SCFD2: variants seen among roughly 807,000 people sequenced by gnomAD.
SCFD2 encodes sec1 family domain containing 2.
In SCFD2, 54 loss-of-function variants were observed where a neutral mutation model predicts 58.9. The observed-to-expected ratio is 0.92, with a 90% CI of 0.74 to 1.15. The LOEUF is 1.15. Among genes scored for constraint, SCFD2 ranks in the 50% most tolerant of loss-of-function variants. The pLI is 0.00. For synonymous variants in SCFD2, 321 were observed against 335.9 expected (o/e 0.96, Z 0.49); for missense variants, 805 against 836.6 (o/e 0.96, Z 0.47).
intron 2 of SCFD2, among the ~76,000 whole-genome samples, chr4:53,343,226 A>G (rs1174148931): frequency 1.3e-5 from 2 of 151,622 alleles, no homozygotes; most frequent in African/African-American, 2.4e-5. Flanking sequence ...GACTAATAAA[A>G]GAGAGAAGAA....
At chr4:53,257,173 G>A (rs1315292769) in intron 4 of SCFD2, among the ~76,000 whole-genome samples, 1 of 152,072 alleles carries the variant, frequency 6.6e-6, no homozygotes, top group Admixed American at 6.6e-5. Flanking sequence ...CAAACCAGGT[G>A]GTAGAATGTG....
intron 5 of SCFD2, among the ~76,000 whole-genome samples, chr4:52,933,511 C>T (rs1322181016): frequency 2.0e-5 from 3 of 152,280 alleles, no homozygotes; most frequent in Middle Eastern, 3.4e-3. Flanking sequence ...TTACTATGTC[C>T]ACCATGTTCA....
At chr4:52,945,348 C>A (rs1408971045) in intron 5 of SCFD2, among the ~76,000 whole-genome samples, 5 of 152,080 alleles carry the variant, frequency 3.3e-5, no homozygotes, top group Admixed American at 3.3e-4. Flanking sequence ...GAACTAAAGG[C>A]ACAGCCCAGA....
At chr4:53,019,249 G>GT (rs1722289068) in intron 5 of SCFD2, among the ~76,000 whole-genome samples, 1 of 152,130 alleles carries the variant, frequency 6.6e-6, no homozygotes, top group South Asian at 2.1e-4. Flanking sequence ...ATAAAAAATA[G>GT]TAAATCTTAT....
At chr4:53,147,272 C>T (rs1400702256) in intron 4 of SCFD2, among the ~76,000 whole-genome samples, 1 of 152,184 alleles carries the variant, frequency 6.6e-6, no homozygotes. Flanking sequence ...AACTCTTCCT[C>T]TTTTTGAAGA....
intron 8 of SCFD2, among the ~76,000 whole-genome samples, chr4:52,875,802 CTATATATATATATATATATATATA>C (rs3052566): frequency 0.026 from 1,600 of 61,292 alleles, 81 homozygotes; most frequent in South Asian, 0.078. Flanking sequence ...TTATCTTTAA[CTATATATATATATATATATATATA>C]TATATATATA....
chr4:53,337,929 T>C (rs1733733399), intron 2 of SCFD2, among the ~76,000 whole-genome samples: 1 of 152,140 alleles, frequency 6.6e-6, no homozygotes, highest in Non-Finnish European at 1.5e-5. Context: ...TCCAGATAGG[T>C]CCAATGTAAT....
At chr4:53,234,981 C>A (rs1237846455) in intron 4 of SCFD2, among the ~76,000 whole-genome samples, 5 of 152,216 alleles carry the variant, frequency 3.3e-5, no homozygotes, top group Non-Finnish European at 7.3e-5. Flanking sequence ...CACGGTCTTC[C>A]CATCTTTTGC....
At chr4:53,091,632 A>T (rs1283827161) in intron 5 of SCFD2, among the ~76,000 whole-genome samples, 2 of 152,122 alleles carry the variant, frequency 1.3e-5, no homozygotes, top group African/African-American at 4.8e-5. Context: ...TCAACTTTCA[A>T]CTGTTCAAAT....
At chr4:53,330,536 AGCAAAT>A (rs1733412422) in intron 2 of SCFD2, among the ~76,000 whole-genome samples, 1 of 152,182 alleles carries the variant, frequency 6.6e-6, no homozygotes, top group African/African-American at 2.4e-5. Context: ...TTTACAGACA[AGCAAAT>A]GCTGAGAGAT....
intron 5 of SCFD2, among the ~76,000 whole-genome samples, chr4:53,044,730 T>C (rs1235190346): frequency 6.6e-6 from 1 of 151,238 alleles, no homozygotes; most frequent in Non-Finnish European, 1.5e-5. Context: ...AAAAAAATCA[T>C]ATAGCTCTGT....
chr4:53,251,058 C>A (rs1443016496), intron 4 of SCFD2, among the ~76,000 whole-genome samples: 3 of 152,150 alleles, frequency 2.0e-5, no homozygotes, highest in East Asian at 1.9e-4. Flanking sequence ...GATATCACCA[C>A]CGATCCCACA....
At chr4:53,038,896 G>T (rs1722828812) in intron 5 of SCFD2, among the ~76,000 whole-genome samples, 1 of 151,962 alleles carries the variant, frequency 6.6e-6, no homozygotes, top group Admixed American at 6.6e-5. Context: ...TCACTTTGCT[G>T]CCCAGGCTAG....
Position 52,973,425 on chromosome 4 carries a change from T to A in SCFD2, c.1562-52555A>T, listed in dbSNP as rs151311945. Among the ~76,000 whole-genome samples, 1,386 of 152,266 alleles carry A rather than the reference T, an allele frequency of 9.1e-3. 26 individuals carry two copies. The highest frequency in any genetic ancestry group is 0.032 in the African/African-American group (1,331 of 41,546). ...AATAAACTAGAAAATCTAGAAGACA[T>A]GGATAAATTCCTCGACACATACACC... On this transcript the variant is annotated intron_variant, in intron 5 of 8. Coordinates refer to ENST00000401642, the MANE Select transcript of SCFD2 (RefSeq NM_152540.4).
chr4:53,291,929 C>A (rs1305641715), intron 3 of SCFD2, among the ~76,000 whole-genome samples: 1 of 151,998 alleles, frequency 6.6e-6, no homozygotes, highest in Non-Finnish European at 1.5e-5. Flanking sequence ...TAGCCATATG[C>A]AGAAAATTGA....
At chr4:53,058,425 T>A (rs1246410801) in intron 5 of SCFD2, among the ~76,000 whole-genome samples, 1 of 152,074 alleles carries the variant, frequency 6.6e-6, no homozygotes, top group African/African-American at 2.4e-5. Context: ...ACATATAATG[T>A]CTCGGGGAAA....
intron 6 of SCFD2, among the ~76,000 whole-genome samples, chr4:52,908,287 A>T (rs1002946465): frequency 6.6e-6 from 1 of 152,210 alleles, no homozygotes; most frequent in African/African-American, 2.4e-5. Flanking sequence ...TGTTTAGGTT[A>T]TATGGGGAGC....
intron 5 of SCFD2, among the ~76,000 whole-genome samples, chr4:53,018,667 G>C (rs756641464): frequency 7.2e-5 from 11 of 152,084 alleles, no homozygotes; most frequent in Non-Finnish European, 1.2e-4. Flanking sequence ...GACATTTCTG[G>C]GAAAGAGACC....
intron 2 of SCFD2, among the ~76,000 whole-genome samples, chr4:53,323,480 C>T (rs977074970): frequency 6.6e-6 from 1 of 151,712 alleles, no homozygotes; most frequent in African/African-American, 2.4e-5. Context: ...CCAAGTGACC[C>T]TCCCACCTGA....
Sources: gnomAD v4.1 joint callset for allele counts (sites outside exome capture counted in the v4.1 genomes callset) on GRCh38, gnomAD v4.1.1 for gene constraint, MANE v1.5 for transcripts, NCBI Gene and HGNC (gene_info 2026-07-23, HGNC 2026-07-21) for gene names.